Variants in HPS3 observed in about 807,000 individuals in gnomAD.
HPS3 encodes HPS3 biogenesis of lysosomal organelles complex 2 subunit 1.
HPS3 carries 79 observed loss-of-function variants against 110.9 expected under a neutral mutation model. That is an observed-to-expected ratio of 0.71 (90% CI 0.59 to 0.86). The LOEUF (loss-of-function observed/expected upper bound fraction) is 0.86. HPS3 is among the 40% of genes least tolerant of loss of function. HPS3 has a pLI of 0.00. For synonymous variants in HPS3, 428 were observed against 451.0 expected, an observed-to-expected ratio of 0.95 and a Z score of 0.65; for missense variants, 1,197 against 1,206.2, an observed-to-expected ratio of 0.99 and a Z score of 0.11.
rs543058717 is a variant in HPS3, at chr3:149,167,136, C to T, written c.2692C>T (p.Arg898Cys). ...IAGLSVHVLC[R>C]TRLKEYEQCI... is the part of the protein sequence containing the mutation. ...CGGCCTCAGTGTCCATGTTCTGTGT[C>T]GTACACGCTTGAAAGAGTATGAACA... Residue 898 changes from arginine (R) to cysteine (C), a missense_variant, in exon 15 of 17, where the codon CGT becomes TGT. Physicochemically the swap from Arg to Cys is radical, Grantham distance 180. Transcript: ENST00000296051. The T allele has an allele frequency of 2.7e-4, 435 of 1,613,774 alleles. 3 individuals are homozygous for T. The South Asian group carries it at 3.8e-3, about 14-fold the overall frequency.
chr3:149,129,649 T>G lies in HPS3; in HGVS notation c.-75T>G. 1 of 1,180,604 alleles carries G rather than the reference T, an allele frequency of 8.5e-7. No individual in the cohort carries two copies. Among genetic ancestry groups the G allele is most frequent in the Non-Finnish European group, 1.1e-6 (1 of 870,228 alleles). 73.1% of individuals were successfully genotyped at this position (1,180,604 alleles called of 1,614,324 possible). A position where few individuals can be genotyped will look rare whatever the true frequency, so the allele number is the denominator to read the frequency against. ...ATTGGCTCGCTCGCGGAAGTAGTCC[T>G]ACATTCGCGGTCAGCGCGGGGTCTC... On this transcript the variant is annotated 5_prime_UTR_variant, in exon 1 of 17. Transcript: ENST00000296051.
Position 149,157,400 on chromosome 3 carries a change from C to G in HPS3, c.1560C>G (p.His520Gln). ...CTGTCAAAACCCAGAGCTGCATTCA[C>G]CTTCTCAGTGAGGCTCATCTGTTAG... is the stretch of plus-strand genomic sequence containing the variant. ...YKTVKTQSCI[H>Q]LLSEAHLLVR... The change falls in exon 9 of 17, where the codon CAC (histidine) becomes CAG (glutamine). Residue 520 changes from histidine to glutamine, a missense_variant. Coordinates refer to ENST00000296051, the MANE Select transcript of HPS3 (RefSeq NM_032383.5). 6.2e-7 allele frequency: 1 copy of G among 1,613,900 alleles called. No homozygotes were observed. Among genetic ancestry groups the G allele is most frequent in the Non-Finnish European group, 8.5e-7 (1 of 1,179,878 alleles).
intron 1 of HPS3, 170 bp downstream of exon 1, chr3:149,130,110 G>T: frequency 1.6e-6 from 1 of 644,930 alleles, no homozygotes; most frequent in Admixed American, 2.8e-5. Flanking sequence ...GTCGCATTGA[G>T]CTATGCGGTT....
Position 149,141,289 on chromosome 3 carries a change from C to G in HPS3, c.885-6C>G, listed in dbSNP as rs768073408. 1.2e-6 allele frequency: 2 copies of G among 1,612,242 alleles called. No individual in the cohort carries two copies. Among genetic ancestry groups the G allele is most frequent in the Non-Finnish European group, 1.7e-6 (2 of 1,179,362 alleles). ...TTTCCCTTTCTCTGTCTTTTTAAAC[C>G]CACAGACGTTTTGCTCCTGATATTT... On this transcript the variant is annotated splice_region_variant and splice_polypyrimidine_tract_variant and intron_variant, in intron 3 of 16. Coordinates refer to ENST00000296051, the MANE Select transcript of HPS3 (RefSeq NM_032383.5).
chr3:149,130,062 C>T lies in HPS3; in HGVS notation c.217+122C>T, dbSNP rs551909386. On this transcript the variant is annotated intron_variant, in intron 1 of 16. Coordinates refer to ENST00000296051, the MANE Select transcript of HPS3 (RefSeq NM_032383.5). The stretch of plus-strand genomic sequence containing the variant: ...GGACTTCTTGCTTCCCGGAATTTGC[C>T]GGATGGTCTCCCTGGGTCTGGCCGC... 138 of 963,568 alleles carry T rather than the reference C, an allele frequency of 1.4e-4. No homozygotes were observed. In the South Asian group the frequency reaches 2.0e-3, roughly 14 times the overall value. The allele number at this position is 963,568 out of a possible 1,614,324, so 59.7% of individuals were successfully genotyped here. A position where few individuals can be genotyped will look rare whatever the true frequency, so the allele number is the denominator to read the frequency against.
intron 16 of HPS3, among the ~76,000 whole-genome samples, chr3:149,171,792 C>T (rs1426012877): frequency 6.7e-6 from 1 of 148,498 alleles, no homozygotes; most frequent in Non-Finnish European, 1.5e-5. Context: ...GCAACTTCTG[C>T]CTCAAGGGTT....
intron 14 of HPS3, chr3:149,165,898 T>C (rs1412443323): frequency 2.4e-6 from 1 of 417,948 alleles, no homozygotes; most frequent in Non-Finnish European, 4.8e-6. Context: ...GTCAGGAAAT[T>C]ATTCACATGA....
rs187890574 is a variant in HPS3 at position 149,162,883 on chromosome 3, G to A, written c.2481+5G>A. The A allele has an allele frequency of 1.9e-5, 31 of 1,610,212 alleles. No homozygotes were observed. In the East Asian group the frequency reaches 6.9e-4, roughly 36 times the overall value. On this transcript the variant is annotated splice_donor_5th_base_variant and intron_variant, in intron 13 of 16. Transcript: ENST00000296051. ...TTGCGAACATCGGAGGATCTGGTAA[G>A]ATAATGGAATAATACCTTAAATTTA...
intron 5 of HPS3, among the ~76,000 whole-genome samples, chr3:149,148,437 C>G (rs1482423075): frequency 7.8e-6 from 1 of 128,714 alleles, no homozygotes; most frequent in Admixed American, 8.9e-5. Flanking sequence ...GAGTGTCGCT[C>G]TGTCGCCCAG....
intron 16 of HPS3, among the ~76,000 whole-genome samples, chr3:149,169,917 T>C (rs1408099702): frequency 1.3e-5 from 2 of 152,212 alleles, no homozygotes; most frequent in East Asian, 1.9e-4. Flanking sequence ...ATTTTAAGGG[T>C]ACAGGTTTAC....
chr3:149,163,159 A>G (rs1040549538), intron 13 of HPS3, among the ~76,000 whole-genome samples: 3 of 152,216 alleles, frequency 2.0e-5, no homozygotes, highest in Non-Finnish European at 4.4e-5. Context: ...GACTTCTTCC[A>G]GAACATCACC....
chr3:149,166,685 G>T (rs1221171183), intron 14 of HPS3, among the ~76,000 whole-genome samples: 5 of 152,130 alleles, frequency 3.3e-5, no homozygotes, highest in African/African-American at 1.2e-4. Flanking sequence ...TACTCTTGCG[G>T]TGAACATCAT....
At chr3:149,138,348 A>G (rs2108125449) in intron 1 of HPS3, among the ~76,000 whole-genome samples, 2 of 152,296 alleles carry the variant, frequency 1.3e-5, no homozygotes, top group Middle Eastern at 3.4e-3. Context: ...TCATCGGAAA[A>G]GGGCCAATTT....
At chr3:149,168,082 C>T (rs1480108228) in intron 16 of HPS3, 99 bp downstream of exon 16, 9 of 758,842 alleles carry the variant, frequency 1.2e-5, no homozygotes, top group South Asian at 1.0e-4. Context: ...CAAGTGAAAC[C>T]GAGGGCCTTT....
In HPS3 at chr3:149,145,354, G is replaced by T. The variant is rs1342043525; in HGVS notation, c.971G>T (p.Gly324Val). Residue 324 changes from glycine to valine, a missense_variant and splice_region_variant, in exon 5 of 17, where the codon GGT becomes GTT. Physicochemically the swap from Gly to Val is moderately radical, Grantham distance 109. Transcript: ENST00000296051. Reference sequence around the variant, plus strand: ...TTATTTCTTTCATTTTTGCATGCAGGTTCTCTTACATCTGATGGAAAAAAT... The same window carrying T: ...TTATTTCTTTCATTTTTGCATGCAGTTTCTCTTACATCTGATGGAAAAAAT... ...SLQLLPIYQT[G>V]SLTSDGKNLS... 4.3e-6 allele frequency: 7 copies of T among 1,609,954 alleles called. No homozygotes were observed. The highest frequency in any genetic ancestry group is 3.3e-5 in the South Asian group (3 of 90,928).
At chr3:149,143,627 G>C (rs1056372292) in intron 4 of HPS3, among the ~76,000 whole-genome samples, 2 of 152,154 alleles carry the variant, frequency 1.3e-5, no homozygotes, top group East Asian at 3.9e-4. Context: ...GAGCTGGGCC[G>C]TAATGGATGA....
intron 12 of HPS3, 78 bp from the exon 13 acceptor site, chr3:149,162,612 T>G (rs1307761897): frequency 3.5e-6 from 5 of 1,431,388 alleles, no homozygotes; most frequent in Non-Finnish European, 4.9e-6. Flanking sequence ...CATGTGATGC[T>G]GTGATATTCA....
chr3:149,143,256 C>T (rs1405075015), intron 4 of HPS3, among the ~76,000 whole-genome samples: 30 of 152,200 alleles, frequency 2.0e-4, no homozygotes, highest in Admixed American at 1.9e-3. Context: ...TGGCCTTTCC[C>T]TCTTCCTTAG....
At chr3:149,151,049 C>T (rs1430579785) in intron 6 of HPS3, among the ~76,000 whole-genome samples, 1 of 151,316 alleles carries the variant, frequency 6.6e-6, no homozygotes, top group African/African-American at 2.4e-5. Context: ...GCTCTGTCAC[C>T]CAGGCTGGAG....
Sources: gnomAD v4.1 joint callset for allele counts (sites outside exome capture counted in the v4.1 genomes callset) on GRCh38, gnomAD v4.1.1 for gene constraint, MANE v1.5 for transcripts, NCBI Gene and HGNC (gene_info 2026-07-23, HGNC 2026-07-21) for gene names.